ZNF536: variants seen among roughly 807,000 people sequenced by gnomAD.
The protein encoded by ZNF536 is zinc finger protein 536.
ZNF536 carries 13 observed loss-of-function variants against 84.5 expected under a neutral mutation model. The ratio of observed to expected loss-of-function variants is 0.15; its 90% CI spans 0.10 to 0.24. The LOEUF is 0.24. Among genes scored for constraint, ZNF536 ranks in the 10% least tolerant of loss-of-function variants. The pLI is 1.00. For synonymous variants in ZNF536, 811 were observed against 742.5 expected, an observed-to-expected ratio of 1.09 and a Z score of -1.50; for missense variants, 1,536 against 1,747.5, an observed-to-expected ratio of 0.88 and a Z score of 2.16.
At chr19:30,667,910 G>A (rs1490858585) in intron 1 of ZNF536, among the ~76,000 whole-genome samples, 2 of 152,070 alleles carry the variant, frequency 1.3e-5, no homozygotes, top group Non-Finnish European at 2.9e-5. Context: ...TCATTTCATC[G>A]ATGGGGAAAC....
At chr19:30,672,231 C>G (rs760429637) in intron 1 of ZNF536, among the ~76,000 whole-genome samples, 4 of 152,184 alleles carry the variant, frequency 2.6e-5, no homozygotes, top group Admixed American at 6.5e-5. Flanking sequence ...GTGCCCCATC[C>G]CCTGGAGGAG....
chr19:30,570,761 AC>A (rs1312200537), intron 1 of ZNF536, among the ~76,000 whole-genome samples: 2 of 152,200 alleles, frequency 1.3e-5, no homozygotes, highest in African/African-American at 2.4e-5. Context: ...CAATAAATAT[AC>A]CCCTTTTTGT....
chr19:30,549,234 C>A lies in ZNF536; in HGVS notation c.3615C>A (p.Gly1205=), dbSNP rs765448632. The A allele has an allele frequency of 1.2e-6, 2 of 1,613,978 alleles. No individual in the cohort carries two copies. The highest frequency in any genetic ancestry group is 1.7e-6 in the Non-Finnish European group (2 of 1,180,046). ...SALSKDSSSD[G]GDSLQPTGTS... ...TCAGCAAAGACAGCAGCAGCGATGGCGGGGACAGCCTGCAGCCCACAGGCA... is the reference window on the plus strand; with the variant it reads ...TCAGCAAAGACAGCAGCAGCGATGGAGGGGACAGCCTGCAGCCCACAGGCA... The change falls in exon 4 of 5, where the codon GGC becomes GGA. Residue 1205 remains glycine (G), a synonymous_variant. Transcript: ENST00000355537.
chr19:30,505,082 G>C (rs11880513), intron 2 of ZNF536, among the ~76,000 whole-genome samples: 1 of 151,732 alleles, frequency 6.6e-6, no homozygotes, highest in Non-Finnish European at 1.5e-5. Flanking sequence ...CTCTTAGTCC[G>C]CCCAGTAGCT....
At chr19:30,678,839 G>A (rs184377085) in intron 1 of ZNF536, among the ~76,000 whole-genome samples, 38 of 151,708 alleles carry the variant, frequency 2.5e-4, no homozygotes, top group African/African-American at 9.2e-4. Flanking sequence ...AGATTAAGGA[G>A]GCTGAGACAG....
chr19:30,306,190 ATTTTTTT>A (rs201822113), intron 2 of ZNF536, among the ~76,000 whole-genome samples: 3 of 132,904 alleles, frequency 2.3e-5, no homozygotes, highest in Non-Finnish European at 3.2e-5. Context: ...CCTGGAGAGA[ATTTTTTT>A]TTTTTTTTTT....
At chr19:30,543,201 A>C (rs775826585) in intron 3 of ZNF536, among the ~76,000 whole-genome samples, 1 of 152,210 alleles carries the variant, frequency 6.6e-6, no homozygotes, top group East Asian at 1.9e-4. Flanking sequence ...GCTGTTTTGC[A>C]TACTCATCTG....
At chr19:30,320,405 C>A (rs1283079956) in intron 2 of ZNF536, among the ~76,000 whole-genome samples, 1 of 152,208 alleles carries the variant, frequency 6.6e-6, no homozygotes, top group Non-Finnish European at 1.5e-5. Flanking sequence ...TACGATTCAT[C>A]AGGAATGTTT....
At chr19:30,240,492 C>T (rs1230436051) in intron 1 of ZNF536, among the ~76,000 whole-genome samples, 1 of 152,204 alleles carries the variant, frequency 6.6e-6, no homozygotes, top group African/African-American at 2.4e-5. Context: ...CCTCCCAGGA[C>T]CTTGTCCCAG....
intron 1 of ZNF536, among the ~76,000 whole-genome samples, chr19:30,607,975 A>G (rs573685077): frequency 3.3e-5 from 5 of 152,302 alleles, no homozygotes; most frequent in Admixed American, 2.0e-4. Context: ...TGTACAATAA[A>G]TTATTTAACC....
intron 1 of ZNF536, among the ~76,000 whole-genome samples, chr19:30,274,119 T>C (rs1402872858): frequency 6.6e-6 from 1 of 152,208 alleles, no homozygotes; most frequent in East Asian, 1.9e-4. Context: ...GATACCAAGA[T>C]AGTTCCGTTA....
chr19:30,651,646 A>T (rs1264385679), intron 1 of ZNF536, among the ~76,000 whole-genome samples: 1 of 152,166 alleles, frequency 6.6e-6, no homozygotes, highest in Non-Finnish European at 1.5e-5. Context: ...CAACTCTCCA[A>T]TTTCTGTAAA....
chr19:30,661,169 C>A (rs2050109394), intron 1 of ZNF536, among the ~76,000 whole-genome samples: 1 of 152,200 alleles, frequency 6.6e-6, no homozygotes, highest in Admixed American at 6.5e-5. Flanking sequence ...AAAATCATTT[C>A]AATTCAAAGG....
chr19:30,506,944 A>G (rs567376434), intron 2 of ZNF536, among the ~76,000 whole-genome samples: 8 of 152,354 alleles, frequency 5.3e-5, no homozygotes, highest in Admixed American at 1.3e-4. Flanking sequence ...AGGCTTTTCT[A>G]TGAAAAAACT....
intron 2 of ZNF536, among the ~76,000 whole-genome samples, chr19:30,314,476 C>T (rs1253017424): frequency 1.3e-5 from 2 of 152,142 alleles, no homozygotes; most frequent in African/African-American, 2.4e-5. Context: ...CAGGTCTCAG[C>T]TCTGCTGTCC....
chr19:30,249,015 C>G (rs1236397511), intron 1 of ZNF536, among the ~76,000 whole-genome samples: 1 of 152,202 alleles, frequency 6.6e-6, no homozygotes, highest in Non-Finnish European at 1.5e-5. Context: ...ATGCGTCGTT[C>G]AGCATTTGAC....
intron 1 of ZNF536, among the ~76,000 whole-genome samples, chr19:30,392,981 T>C (rs2049662795): frequency 6.6e-6 from 1 of 152,216 alleles, no homozygotes; most frequent in African/African-American, 2.4e-5. Context: ...ATGATCTGTA[T>C]GGCACAAGAT....
In ZNF536 at chr19:30,445,024, C is replaced by T. The variant is rs2148208394; in HGVS notation, c.1462C>T (p.Leu488Phe). ...HGVPEGDKHS[L>F]LGCLNLVPPL... ...CGTCCCGGAGGGGGACAAGCACTCC[C>T]TCCTGGGATGCCTCAATCTCGTGCC... Residue 488 changes from leucine to phenylalanine, a missense_variant, in exon 2 of 5, where the codon CTC becomes TTC. Physicochemically the swap from Leu to Phe is conservative, Grantham distance 22. This residue lies in a region of ZNF536 where 366 missense variants were observed against 364.4 expected (regional missense o/e 1.00). Transcript: ENST00000355537. The surrounding 1 kb of genome is among the most constrained non-coding windows in gnomAD (Gnocchi z 4.5). The T allele has an allele frequency of 6.2e-7, 1 of 1,613,128 alleles. No homozygotes were observed. Among genetic ancestry groups the T allele is most frequent in the Non-Finnish European group, 8.5e-7 (1 of 1,179,796 alleles).
At chr19:30,417,305 A>G (rs1212021313) in intron 1 of ZNF536, among the ~76,000 whole-genome samples, 1 of 151,722 alleles carries the variant, frequency 6.6e-6, no homozygotes, top group Non-Finnish European at 1.5e-5. Context: ...CCCTGATTTC[A>G]TTTACTTTCC....
Sources: gnomAD v4.1 joint callset for allele counts (sites outside exome capture counted in the v4.1 genomes callset) on GRCh38, gnomAD v4.1.1 for gene constraint, gnomAD v4.1.1 regional missense constraint, Gnocchi (gnomAD v3.1) non-coding constraint, MANE v1.5 for transcripts, NCBI Gene and HGNC (gene_info 2026-07-23, HGNC 2026-07-21) for gene names.